TNS1: variants seen among roughly 807,000 people sequenced by gnomAD.
TNS1 encodes the protein tensin-1.
Under a neutral mutation model 168.6 loss-of-function variants are expected in TNS1, and 62 were observed. That is an observed-to-expected ratio of 0.37 (90% CI 0.30 to 0.45). The LOEUF is 0.45. Ranked by LOEUF, TNS1 falls within the 20% of genes least tolerant of loss-of-function variation. TNS1 has a pLI of 1.00. For synonymous variants in TNS1, 934 were observed against 933.2 expected, an observed-to-expected ratio of 1.00 and a Z score of -0.02; for missense variants, 2,240 against 2,339.4, an observed-to-expected ratio of 0.96 and a Z score of 0.88.
At position 217,809,552 on chromosome 2, in the gene TNS1, G is replaced by C. The variant is rs868314321; in HGVS notation, c.5273+271C>G. The stretch of plus-strand genomic sequence containing the variant: ...GCATGGATGGATGCATGGATGGATG[G>C]ATGGATGGATGGATGGATGGATGGA... On this transcript the variant is annotated intron_variant, in intron 30 of 32. Coordinates refer to ENST00000682258, the MANE Select transcript of TNS1 (RefSeq NM_001387777.1). Among the ~76,000 whole-genome samples the C allele has an allele frequency of 5.3e-3, 361 of 68,170 alleles. 115 individuals carry two copies. The highest frequency in any genetic ancestry group is 0.019 in the Admixed American group (120 of 6,200). 44.7% of individuals were successfully genotyped at this position (68,170 alleles called of 152,430 possible). A position where few individuals can be genotyped will look rare whatever the true frequency, so the allele number is the denominator to read the frequency against.
chr2:217,855,928 C>G (rs1163811246), intron 18 of TNS1, among the ~76,000 whole-genome samples: 1 of 152,144 alleles, frequency 6.6e-6, no homozygotes, highest in Non-Finnish European at 1.5e-5. Flanking sequence ...GTGGAGGTCC[C>G]TGAGCCAGAG....
intron 3 of TNS1, among the ~76,000 whole-genome samples, chr2:217,933,423 C>T (rs1005907610): frequency 5.9e-5 from 9 of 152,164 alleles, no homozygotes; most frequent in African/African-American, 1.2e-4. Flanking sequence ...TGACCACTGC[C>T]GGACCCAGAT....
chr2:217,981,218 G>A (rs911695803), intron 2 of TNS1, among the ~76,000 whole-genome samples: 21 of 152,236 alleles, frequency 1.4e-4, no homozygotes, highest in Admixed American at 7.9e-4. Context: ...GGGACACACA[G>A]CTGGGCTCAT....
chr2:217,813,323 A>G lies in TNS1; in HGVS notation c.4862-16T>C, dbSNP rs1158228810. On this transcript the variant is annotated splice_polypyrimidine_tract_variant and intron_variant, in intron 26 of 32. Coordinates refer to ENST00000682258, the MANE Select transcript of TNS1 (RefSeq NM_001387777.1). This position sits in a 1 kb window ranked among gnomAD's most constrained non-coding sequence, Gnocchi z 4.0. ...GTCATGTCTCCTGGGACAAAGAGAA[A>G]GAAATAAGGCTCAGTCCCTGCCCAT... The G allele has an allele frequency of 6.4e-7, 1 of 1,556,596 alleles. No individual in the cohort carries two copies. Among genetic ancestry groups the G allele is most frequent in the Non-Finnish European group, 8.7e-7 (1 of 1,144,364 alleles).
At chr2:217,968,987 C>T (rs562227750) in intron 3 of TNS1, among the ~76,000 whole-genome samples, 36 of 152,286 alleles carry the variant, frequency 2.4e-4, no homozygotes, top group African/African-American at 8.7e-4. Context: ...GCATGAGTCA[C>T]CACTCCCAGC....
chr2:217,891,097 G>T (rs372455308), intron 11 of TNS1, 52 bp from the exon 12 acceptor site: 194 of 1,589,680 alleles, frequency 1.2e-4, no homozygotes, highest in Non-Finnish European at 1.6e-4. Context: ...TCCAAGAGCC[G>T]CTTGTTTTCC....
intron 1 of TNS1, chr2:218,009,952 C>T (rs1958690869): frequency 2.5e-6 from 1 of 392,290 alleles, no homozygotes; most frequent in Non-Finnish European, 4.5e-6. Context: ...TGCTGAGAAC[C>T]AGGCTGACGA....
chr2:217,815,523 T>G (rs1941746955), intron 24 of TNS1, among the ~76,000 whole-genome samples: 1 of 152,172 alleles, frequency 6.6e-6, no homozygotes, highest in Non-Finnish European at 1.5e-5. Context: ...GCGAACACAG[T>G]GGAAGGGACC....
chr2:217,859,177 C>T (rs1486400512), intron 18 of TNS1: 1 of 162,906 alleles, frequency 6.1e-6, no homozygotes, highest in Non-Finnish European at 1.3e-5. Context: ...AAACTGAGCC[C>T]CAAGCGGAAA....
chr2:217,935,703 C>G (rs1956570147), intron 3 of TNS1, among the ~76,000 whole-genome samples: 1 of 152,234 alleles, frequency 6.6e-6, no homozygotes. Flanking sequence ...CAGCCCCACT[C>G]TCTCCCACTG....
intron 1 of TNS1, among the ~76,000 whole-genome samples, chr2:218,009,673 T>C (rs1958689008): frequency 6.6e-6 from 1 of 152,166 alleles, no homozygotes; most frequent in Admixed American, 6.5e-5. Flanking sequence ...CTCGCTGCCT[T>C]AACTCGGTGG....
rs1207669519 is a variant in TNS1 at position 217,850,582 on chromosome 2, GACACACAC to G, written c.1430-1503_1430-1496del. On this transcript the variant is annotated intron_variant, in intron 18 of 32. Transcript: ENST00000682258. Reference sequence around the variant, plus strand: ...AGCAGCCCAGCCACCAGCCCCGACAGACACACACACACACACACACACACACACACACA... The same window carrying G: ...AGCAGCCCAGCCACCAGCCCCGACAGACACACACACACACACACACACACA... 1.4e-3 allele frequency: 1,223 copies of G among 868,700 alleles called. 2 individuals carry two copies. The highest frequency in any genetic ancestry group is 0.014 in the Middle Eastern group (23 of 1,658). The allele number at this position is 868,700 out of a possible 1,614,324, so 53.8% of individuals were successfully genotyped here. A position where few individuals can be genotyped will look rare whatever the true frequency, so the allele number is the denominator to read the frequency against.
chr2:217,885,948 T>C, intron 14 of TNS1, 96 bp downstream of exon 14: 1 of 1,561,958 alleles, frequency 6.4e-7, no homozygotes, highest in Non-Finnish European at 8.8e-7. Context: ...CTTTCAGCCC[T>C]CTTGAGAATA....
rs185157555 is a variant in TNS1 at position 217,848,282 on chromosome 2, T to C, written c.2235A>G (p.Gln745=). ...GCTGGGGTTCAGCTTCCGAAAAGGA[T>C]TGAGAGCGGAACATACCGCTGGGGT... ...AHDPSGMFRS[Q]SFSEAEPQLP... The change falls in exon 19 of 33, where the codon CAA becomes CAG. Residue 745 remains glutamine, a synonymous_variant. Coordinates refer to ENST00000682258, the MANE Select transcript of TNS1 (RefSeq NM_001387777.1). 3.9e-6 allele frequency: 6 copies of C among 1,549,070 alleles called. No homozygotes were observed. The African/African-American group carries it at 5.5e-5, about 14-fold the overall frequency.
At chr2:217,895,925 C>T (rs969611622) in intron 8 of TNS1, among the ~76,000 whole-genome samples, 2 of 152,198 alleles carry the variant, frequency 1.3e-5, no homozygotes, top group African/African-American at 4.8e-5. Flanking sequence ...CCCATAGAAC[C>T]CTGGACTCCT....
intron 32 of TNS1, among the ~76,000 whole-genome samples, chr2:217,805,501 ACAC>A (rs1938492456): frequency 4.1e-5 from 4 of 97,372 alleles, no homozygotes; most frequent in Non-Finnish European, 6.3e-5. Flanking sequence ...CACACCACAC[ACAC>A]CACCACACAC....
chr2:217,987,353 T>C (rs1297165286), intron 2 of TNS1, among the ~76,000 whole-genome samples: 2 of 152,198 alleles, frequency 1.3e-5, no homozygotes, highest in Non-Finnish European at 2.9e-5. Context: ...CCTTTGCCTG[T>C]ACATCTATGA....
At position 217,885,119 on chromosome 2, in the gene TNS1, T is replaced by C; in HGVS notation, c.1162A>G (p.Ile388Val). 6.2e-7 allele frequency: 1 copy of C among 1,614,212 alleles called. No homozygotes were observed. Among genetic ancestry groups the C allele is most frequent in the Non-Finnish European group, 8.5e-7 (1 of 1,180,032 alleles). ...CAGGTGTGGAACTGCACACGGAAGATGACGTCTCGGGCTGGGCTTCGGAAC... is the reference window on the plus strand; with the variant it reads ...CAGGTGTGGAACTGCACACGGAAGACGACGTCTCGGGCTGGGCTTCGGAAC... ...KKFRSPARDV[I>V]FRVQFHTCAI... The change falls in exon 16 of 33, where the codon ATC becomes GTC. Residue 388 changes from isoleucine (I) to valine (V), a missense_variant. Ile to Val is a conservative substitution (Grantham distance 29). Coordinates refer to ENST00000682258, the MANE Select transcript of TNS1 (RefSeq NM_001387777.1).
chr2:217,983,324 T>C (rs1045311350), intron 2 of TNS1, among the ~76,000 whole-genome samples: 1 of 151,926 alleles, frequency 6.6e-6, no homozygotes, highest in Non-Finnish European at 1.5e-5. Flanking sequence ...GCCCCGAAAT[T>C]ACAAACCCAC....
Sources: gnomAD v4.1 joint callset for allele counts (sites outside exome capture counted in the v4.1 genomes callset) on GRCh38, gnomAD v4.1.1 for gene constraint, Gnocchi (gnomAD v3.1) non-coding constraint, MANE v1.5 for transcripts, NCBI Gene and HGNC (gene_info 2026-07-23, HGNC 2026-07-21) for gene names.